The following PSMG2 variants were observed in gnomAD, a reference collection of about 807,000 sequenced individuals.
The protein encoded by PSMG2 is CD40 ligand-activated specific transcript 3.
PSMG2 carries 21 observed loss-of-function variants against 31.5 expected under a neutral mutation model. That is an observed-to-expected ratio of 0.67 (90% confidence interval 0.47 to 0.96). The LOEUF is 0.96. PSMG2 is among the 40% of genes least tolerant of loss of function. The pLI is 0.00. For missense variants in PSMG2, 318 were observed against 321.2 expected (o/e 0.99, Z 0.08); for synonymous variants, 120 against 110.4 (o/e 1.09, Z -0.54).
chr18:12,684,869 T>C (rs1465607780), intron 1 of PSMG2: 2 of 152,178 alleles, frequency 1.3e-5, no homozygotes, highest in African/African-American at 4.8e-5. Context: ...TAAAATTAGT[T>C]TACTAAAATC....
At position 12,724,294 on chromosome 18, in the gene PSMG2, G is replaced by A. The variant is rs140444360; in HGVS notation, c.582-205G>A. On this transcript the variant is annotated intron_variant, in intron 5 of 6. Transcript: ENST00000317615. ...GCCATGGGGTGAGGCATGATTGTGC[G>A]TGTTCCCCAGTGGGTGTTACAGGGG... The A allele has an allele frequency of 7.2e-5, 34 of 470,144 alleles. No homozygotes were observed. In the East Asian group the frequency reaches 8.8e-4, roughly 12 times the overall value. 29.1% of individuals were successfully genotyped at this position (470,144 alleles called of 1,614,324 possible).
At chr18:12,670,079 C>T (rs950987038) in intron 1 of PSMG2, among the ~76,000 whole-genome samples, 5 of 152,048 alleles carry the variant, frequency 3.3e-5, no homozygotes, top group African/African-American at 7.2e-5. Context: ...CCTGTAATCC[C>T]GGCACTTGGG....
chr18:12,676,015 A>G (rs2039117193), intron 1 of PSMG2, among the ~76,000 whole-genome samples: 1 of 152,152 alleles, frequency 6.6e-6, no homozygotes, highest in African/African-American at 2.4e-5. Flanking sequence ...ATCTGGACAC[A>G]TGAAGTTAAA....
chr18:12,673,742 G>A (rs991358894), intron 1 of PSMG2, among the ~76,000 whole-genome samples: 7 of 152,194 alleles, frequency 4.6e-5, no homozygotes, highest in African/African-American at 1.7e-4. Context: ...TTAGCCGCGT[G>A]TGGTGGCGGG....
At chr18:12,664,623 G>T (rs556132884) in intron 1 of PSMG2, among the ~76,000 whole-genome samples, 1 of 152,140 alleles carries the variant, frequency 6.6e-6, no homozygotes, top group African/African-American at 2.4e-5. Flanking sequence ...GGGCTCAAGG[G>T]ATCCTCCCGC....
intron 4 of PSMG2, among the ~76,000 whole-genome samples, chr18:12,719,296 C>G (rs1021688313): frequency 1.3e-5 from 2 of 152,200 alleles, no homozygotes; most frequent in Non-Finnish European, 2.9e-5. Flanking sequence ...AAATGTAAGA[C>G]AGAGTATCCC....
At chr18:12,709,474 TCACCA>T (rs2040306755) in intron 2 of PSMG2, among the ~76,000 whole-genome samples, 1 of 150,700 alleles carries the variant, frequency 6.6e-6, no homozygotes, top group Non-Finnish European at 1.5e-5. Flanking sequence ...TTGTAGGCAC[TCACCA>T]CACACCCAGC....
At chr18:12,703,351 T>TA (rs1428142116) in intron 1 of PSMG2, among the ~76,000 whole-genome samples, 187 bp downstream of exon 1, 3 of 152,252 alleles carry the variant, frequency 2.0e-5, no homozygotes, top group Non-Finnish European at 2.9e-5. Flanking sequence ...TTGTCGGCTG[T>TA]AAAACCAAAC....
At chr18:12,720,941 G>A (rs956262656) in intron 5 of PSMG2, among the ~76,000 whole-genome samples, 10 of 152,120 alleles carry the variant, frequency 6.6e-5, no homozygotes, top group Admixed American at 4.6e-4. Context: ...CGAGGCAGGC[G>A]GATCACGAGG....
chr18:12,678,472 G>T (rs1199280281), intron 1 of PSMG2: 1 of 1,451,978 alleles, frequency 6.9e-7, no homozygotes. Flanking sequence ...TTATATATGA[G>T]AACTTAAAAA....
At chr18:12,686,280 G>T in intron 1 of PSMG2, 1 of 1,613,692 alleles carries the variant, frequency 6.2e-7, no homozygotes, top group Non-Finnish European at 8.5e-7. Context: ...TACAGAGAAA[G>T]GCCAGCAGAG....
At chr18:12,700,912 G>A, upstream of PSMG2, 1 of 1,492,340 alleles carries the variant, frequency 6.7e-7, no homozygotes. Flanking sequence ...TTACGCATTA[G>A]TATATACATA....
intron 1 of PSMG2, among the ~76,000 whole-genome samples, chr18:12,668,791 T>C (rs2038864580): frequency 8.0e-6 from 1 of 125,558 alleles, no homozygotes; most frequent in East Asian, 2.5e-4. Flanking sequence ...CAGGCTGGAG[T>C]GTAGTGGAGA....
At chr18:12,715,157 C>T (rs559062036) in intron 3 of PSMG2, among the ~76,000 whole-genome samples, 5 of 147,200 alleles carry the variant, frequency 3.4e-5, no homozygotes, top group South Asian at 4.4e-4. Flanking sequence ...TACAGGTGCC[C>T]GCCACCACAC....
At chr18:12,722,370 C>T (rs1357564727) in intron 5 of PSMG2, among the ~76,000 whole-genome samples, 3 of 152,024 alleles carry the variant, frequency 2.0e-5, no homozygotes, top group Non-Finnish European at 2.9e-5. Flanking sequence ...GCACAGGGAG[C>T]GGAACCCAAG....
intron 1 of PSMG2, among the ~76,000 whole-genome samples, chr18:12,668,897 T>C (rs1201224451): frequency 6.6e-6 from 1 of 151,108 alleles, no homozygotes; most frequent in African/African-American, 2.4e-5. Flanking sequence ...TGGGCTACTA[T>C]GCCTGGCTAA....
intron 5 of PSMG2, among the ~76,000 whole-genome samples, chr18:12,723,083 C>T (rs932925056): frequency 1.3e-5 from 2 of 152,220 alleles, no homozygotes; most frequent in African/African-American, 4.8e-5. Context: ...TTTTTAGAGA[C>T]AGAAACTAAA....
intron 3 of PSMG2, among the ~76,000 whole-genome samples, chr18:12,714,501 T>TTTC (rs1164650798): frequency 1.3e-5 from 2 of 151,906 alleles, no homozygotes; most frequent in African/African-American, 4.8e-5. Flanking sequence ...TTTTTTTTTT[T>TTTC]TTCCTTGAAA....
intron 1 of PSMG2, among the ~76,000 whole-genome samples, chr18:12,705,604 T>TGTGTGTGTGTGTG (rs2040260258): frequency 6.7e-6 from 1 of 148,524 alleles, no homozygotes; most frequent in African/African-American, 2.5e-5. Flanking sequence ...TGTGTGTGTG[T>TGTGTGTGTGTGTG]TTAGTGTGAA....
Sources: gnomAD v4.1 joint callset for allele counts (sites outside exome capture counted in the v4.1 genomes callset) on GRCh38, gnomAD v4.1.1 for gene constraint, MANE v1.5 for transcripts, NCBI Gene and HGNC (gene_info 2026-07-23, HGNC 2026-07-21) for gene names.